Variants in MINPP1 observed in about 807,000 individuals in gnomAD.
MINPP1 encodes multiple inositol polyphosphate phosphatase 1.
Under a neutral mutation model 46.1 loss-of-function variants are expected in MINPP1, and 28 were observed. The ratio of observed to expected loss-of-function variants is 0.61; its 90% CI spans 0.45 to 0.83. MINPP1 has a LOEUF of 0.83. Among genes scored for constraint, MINPP1 ranks in the 40% least tolerant of loss-of-function variants. The pLI is 0.00. For synonymous variants in MINPP1, 268 were observed against 249.1 expected (o/e 1.08, Z -0.72); for missense variants, 603 against 610.0 (o/e 0.99, Z 0.12).
intron 4 of MINPP1, among the ~76,000 whole-genome samples, chr10:87,524,561 C>G (rs1228023292): frequency 2.0e-5 from 3 of 152,178 alleles, no homozygotes; most frequent in Non-Finnish European, 4.4e-5. Flanking sequence ...CCCAAGAGAC[C>G]TAGTTTTTGG....
chr10:87,524,962 A>T (rs1366257723), intron 4 of MINPP1, among the ~76,000 whole-genome samples: 4 of 59,576 alleles, frequency 6.7e-5, no homozygotes, highest in African/African-American at 1.7e-4. Flanking sequence ...CTAAAATGTG[A>T]TACATTACTA....
rs746311882 is a variant in MINPP1 at position 87,520,055 on chromosome 10, A to G, written c.934-981A>G. On this transcript the variant is annotated intron_variant, in intron 3 of 4. Coordinates refer to ENST00000371996, the MANE Select transcript of MINPP1 (RefSeq NM_004897.5). ...TATCATTCTTAGAAATATAAAAGGT[A>G]TAGTGTGTGTGTGTGTGTGTGTGTT... Among the ~76,000 whole-genome samples the G allele has an allele frequency of 7.5e-3, 297 of 39,470 alleles. 1 individual carries two copies. The highest frequency in any genetic ancestry group is 9.3e-3 in the Non-Finnish European group (206 of 22,256). The allele number at this position is 39,470 out of a possible 152,430, so 25.9% of individuals were successfully genotyped here.
intron 4 of MINPP1, 89 bp from the exon 5 acceptor site, chr10:87,551,993 A>G: frequency 9.7e-7 from 1 of 1,025,742 alleles, no homozygotes; most frequent in Non-Finnish European, 1.4e-6. Flanking sequence ...TTAAACTAAA[A>G]AAAGATGTGG....
At chr10:87,551,961 T>A in intron 4 of MINPP1, 121 bp from the exon 5 acceptor site, 2 of 812,212 alleles carry the variant, frequency 2.5e-6, no homozygotes, top group Non-Finnish European at 3.8e-6. Context: ...ATATAAAGAT[T>A]TAAAAAAATA....
At chr10:87,535,954 A>G (rs182328417) in intron 4 of MINPP1, among the ~76,000 whole-genome samples, 43 of 147,982 alleles carry the variant, frequency 2.9e-4, no homozygotes, top group Non-Finnish European at 4.1e-4. Flanking sequence ...ATAAATTAAG[A>G]TTGTTCCTAT....
chr10:87,522,566 T>A (rs952586363), intron 4 of MINPP1, among the ~76,000 whole-genome samples: 1 of 152,198 alleles, frequency 6.6e-6, no homozygotes, highest in Admixed American at 6.5e-5. Context: ...GCAATAGCAT[T>A]TTGTCTTAAA....
rs761597528 is a variant in MINPP1, at chr10:87,552,482, A to G, written c.*4A>G. On this transcript the variant is annotated 3_prime_UTR_variant, in exon 5 of 5. Coordinates refer to ENST00000371996, the MANE Select transcript of MINPP1 (RefSeq NM_004897.5). ...CAGTACATCTGATGAACTATGAGTAACTGAAGAACATTTTTAATTCTTTAG... is the reference window on the plus strand; with the variant it reads ...CAGTACATCTGATGAACTATGAGTAGCTGAAGAACATTTTTAATTCTTTAG... 62 of 1,611,268 alleles carry G rather than the reference A, an allele frequency of 3.8e-5. No individual in the cohort carries two copies. In the African/African-American group the frequency reaches 7.9e-4, roughly 20 times the overall value.
At chr10:87,507,738 A>T in intron 1 of MINPP1, 1 of 676,204 alleles carries the variant, frequency 1.5e-6, no homozygotes, top group Non-Finnish European at 1.8e-6. Flanking sequence ...GTAATTTATT[A>T]AATTTTATAT....
chr10:87,510,853 A>G (rs751406485), intron 2 of MINPP1, among the ~76,000 whole-genome samples: 1 of 152,260 alleles, frequency 6.6e-6, no homozygotes, highest in Non-Finnish European at 1.5e-5. Context: ...AATATTTTAC[A>G]TCTTGACATA....
At position 87,518,199 on chromosome 10, in the gene MINPP1, TC is replaced by T. The variant is rs1851441918; in HGVS notation, c.934-2835del. 2.7e-5 allele frequency among the ~76,000 whole-genome samples: 4 copies of T among 149,246 alleles called. 1 individual carries two copies. In the South Asian group the frequency reaches 8.5e-4, roughly 32 times the overall value. ...TGGTCTCGATCTCCTGACCTCGCAA[TC>T]CGCCTGTCTCAGCCTCCCAAAGTGC... On this transcript the variant is annotated intron_variant, in intron 3 of 4. Coordinates refer to ENST00000371996, the MANE Select transcript of MINPP1 (RefSeq NM_004897.5).
chr10:87,507,552 T>A (rs1851270475), intron 1 of MINPP1, among the ~76,000 whole-genome samples: 2 of 152,156 alleles, frequency 1.3e-5, no homozygotes, highest in South Asian at 4.1e-4. Flanking sequence ...TTTTCTCATA[T>A]TTTATGTACA....
In MINPP1 at chr10:87,505,443, C is replaced by G. The variant is rs1445165864; in HGVS notation, c.528C>G (p.Arg176=). 1.9e-6 allele frequency: 3 copies of G among 1,613,488 alleles called. No individual in the cohort carries two copies. In the Admixed American group the frequency reaches 5.0e-5, roughly 27 times the overall value. The change falls in exon 1 of 5, where the codon CGC becomes CGG. Residue 176 remains arginine, a synonymous_variant. Transcript: ENST00000371996. This position sits in a 1 kb window ranked among gnomAD's most constrained non-coding sequence, Gnocchi z 4.4. Reference sequence around the variant, plus strand: ...TTTTCAGCCGTGAGAACTACGGCCGCCTGCGGCTCATCACCAGTTCCAAGC... The same window carrying G: ...TTTTCAGCCGTGAGAACTACGGCCGGCTGCGGCTCATCACCAGTTCCAAGC... ...PALFSRENYG[R]LRLITSSKHR... is the part of the protein sequence containing the mutation.
chr10:87,504,976 G>A lies in MINPP1; in HGVS notation c.61G>A (p.Ala21Thr), dbSNP rs775213928. ...CGTAGCGCCTGCCGCGGCCCTGGCT[G>A]CGGCGCTGCTCTCGTCGCTTGCGCG... The part of the protein sequence containing the change: ...TSVAPAAALA[A>T]ALLSSLARCS... The change falls in exon 1 of 5, where the codon GCG becomes ACG. Residue 21 changes from alanine to threonine, a missense_variant. Around this residue, in one of 3 missense-constraint regions of MINPP1, gnomAD observed 239 missense variants for 189.4 expected, o/e 1.26. Coordinates refer to ENST00000371996, the MANE Select transcript of MINPP1 (RefSeq NM_004897.5). The A allele has an allele frequency of 1.9e-6, 3 of 1,612,224 alleles. No individual in the cohort carries two copies. The highest frequency in any genetic ancestry group is 2.5e-6 in the Non-Finnish European group (3 of 1,179,640).
intron 3 of MINPP1, among the ~76,000 whole-genome samples, chr10:87,515,822 A>AT (rs71019482): frequency 0.041 from 3,471 of 83,954 alleles, 160 homozygotes; most frequent in African/African-American, 0.1. Flanking sequence ...TTTGTTAAGA[A>AT]TTTTTTTTTT....
At chr10:87,538,676 A>G (rs573672604) in intron 4 of MINPP1, among the ~76,000 whole-genome samples, 5 of 152,182 alleles carry the variant, frequency 3.3e-5, no homozygotes, top group Admixed American at 6.5e-5. Flanking sequence ...CTTAACAACA[A>G]ATTTTTTTCT....
intron 3 of MINPP1, among the ~76,000 whole-genome samples, chr10:87,517,703 G>A (rs1172060332): frequency 6.6e-6 from 1 of 152,016 alleles, no homozygotes; most frequent in Non-Finnish European, 1.5e-5. Context: ...GAACATTATT[G>A]TATATGTTTA....
chr10:87,544,940 A>G (rs1276958911), intron 4 of MINPP1, among the ~76,000 whole-genome samples: 2 of 152,208 alleles, frequency 1.3e-5, no homozygotes, highest in African/African-American at 4.8e-5. Context: ...TTTTGAGATA[A>G]AGCAAAAAAT....
At chr10:87,529,066 A>G (rs892355682) in intron 4 of MINPP1, among the ~76,000 whole-genome samples, 6 of 152,010 alleles carry the variant, frequency 3.9e-5, no homozygotes, top group Admixed American at 3.9e-4. Flanking sequence ...TGCTTGGTAG[A>G]TCTTCCACCA....
intron 2 of MINPP1, chr10:87,509,693 TAAATG>T (rs1156607090): frequency 1.8e-5 from 6 of 328,198 alleles, no homozygotes; most frequent in Admixed American, 3.4e-5. Flanking sequence ...GTTTTATACA[TAAATG>T]GGATATTGTT....
Sources: allele counts gnomAD v4.1 joint callset (sites outside exome capture counted in the v4.1 genomes callset), GRCh38; gene constraint gnomAD v4.1.1; regional missense constraint gnomAD v4.1.1; non-coding constraint Gnocchi (gnomAD v3.1); transcripts MANE v1.5; gene names NCBI Gene and HGNC (gene_info 2026-07-23, HGNC 2026-07-21).